The following DNAJC1 variants were observed in gnomAD, a reference collection of about 807,000 sequenced individuals.
DNAJC1 encodes the protein dnaJ homolog subfamily C member 1.
DNAJC1 carries 58 observed loss-of-function variants against 76.6 expected under a neutral mutation model. The ratio of observed to expected loss-of-function variants is 0.76; its 90% confidence interval spans 0.61 to 0.94. The LOEUF (loss-of-function observed/expected upper bound fraction) is 0.94, where lower values mean the gene tolerates loss of function less well. Among genes scored for constraint, DNAJC1 ranks in the 40% least tolerant of loss-of-function variants. DNAJC1 has a pLI of 0.00. For missense variants in DNAJC1, 689 were observed against 677.3 expected, an observed-to-expected ratio of 1.02 and a Z score of -0.19; for synonymous variants, 258 against 267.9, an observed-to-expected ratio of 0.96 and a Z score of 0.36.
At chr10:22,002,527 T>C (rs1838536960) in intron 1 of DNAJC1, among the ~76,000 whole-genome samples, 1 of 152,178 alleles carries the variant, frequency 6.6e-6, no homozygotes, top group Admixed American at 6.5e-5. Context: ...TCTCTTCCAA[T>C]CGCATCCCAA....
intron 8 of DNAJC1, among the ~76,000 whole-genome samples, chr10:21,833,693 A>G (rs1445605426): frequency 6.6e-6 from 1 of 152,170 alleles, no homozygotes; most frequent in African/African-American, 2.4e-5. Flanking sequence ...GCAGAACAGT[A>G]CCAGGCACAC....
intron 8 of DNAJC1, among the ~76,000 whole-genome samples, chr10:21,820,490 A>C (rs1470391090): frequency 6.6e-6 from 1 of 152,254 alleles, no homozygotes; most frequent in African/African-American, 2.4e-5. Context: ...ACACAAAAAC[A>C]ATAAATACAA....
rs548485247 is a variant in DNAJC1, at chr10:21,782,654, A to G, written c.1099-16345T>C. On this transcript the variant is annotated intron_variant, in intron 9 of 11. Transcript: ENST00000376980. ...GAACATCGATGCAAAAATCCTCAAC[A>G]AGATACTGGCAAACCGAATCCAGCA... is the stretch of plus-strand genomic sequence containing the variant. 5.3e-5 allele frequency among the ~76,000 whole-genome samples: 8 copies of G among 152,364 alleles called. No individual in the cohort carries two copies. The South Asian group carries it at 1.7e-3, about 32-fold the overall frequency.
chr10:21,868,076 C>CAAAAAAAAAAAACAAAAAAAAAA (rs1836036328), intron 8 of DNAJC1, among the ~76,000 whole-genome samples: 1 of 21,230 alleles, frequency 4.7e-5, no homozygotes, highest in Non-Finnish European at 9.5e-5. Context: ...ATTCTGTCTC[C>CAAAAAAAAAAAACAAAAAAAAAA]AAAAAAAAAA....
In DNAJC1 at chr10:21,826,231, T is replaced by G. The variant is rs112485880; in HGVS notation, c.979-20132A>C. On this transcript the variant is annotated intron_variant, in intron 8 of 11. Transcript: ENST00000376980. ...CCAGCCTGGGCAACAAGAATGAGAC[T>G]TTGTCCAAAAAAAAAAAAGAAGAAG... Among the ~76,000 whole-genome samples, 8 of 11,368 alleles carry G rather than the reference T, an allele frequency of 7.0e-4. No homozygotes were observed. The African/African-American group carries it at 0.017, about 23-fold the overall frequency. The allele number at this position is 11,368 out of a possible 152,430, so 7.5% of individuals were successfully genotyped here.
intron 7 of DNAJC1, among the ~76,000 whole-genome samples, chr10:21,903,664 T>C (rs1469653341): frequency 6.6e-6 from 1 of 152,078 alleles, no homozygotes; most frequent in South Asian, 2.1e-4. Flanking sequence ...ACAGTCTCTG[T>C]TCTAAAGCTG....
At chr10:21,862,427 ATTTTT>A (rs535547596) in intron 8 of DNAJC1, among the ~76,000 whole-genome samples, 1 of 131,882 alleles carries the variant, frequency 7.6e-6, no homozygotes. Flanking sequence ...CTGTTACTAC[ATTTTT>A]TTTTTTTTTT....
chr10:21,899,506 C>A (rs1836608744), intron 7 of DNAJC1, among the ~76,000 whole-genome samples: 1 of 152,244 alleles, frequency 6.6e-6, no homozygotes, highest in South Asian at 2.1e-4. Flanking sequence ...TTCCAACCTG[C>A]TGGCTTTGGA....
At chr10:21,987,008 T>G (rs760360679) in intron 1 of DNAJC1, among the ~76,000 whole-genome samples, 2 of 152,150 alleles carry the variant, frequency 1.3e-5, no homozygotes, top group Non-Finnish European at 2.9e-5. Flanking sequence ...CCTCAAGTGA[T>G]CCACCCTCCT....
chr10:21,786,702 T>C (rs530276633), intron 9 of DNAJC1, among the ~76,000 whole-genome samples: 2 of 148,192 alleles, frequency 1.3e-5, no homozygotes, highest in South Asian at 2.1e-4. Flanking sequence ...CTCGAACTCC[T>C]GATCTCAGGA....
intron 8 of DNAJC1, among the ~76,000 whole-genome samples, chr10:21,820,375 G>A (rs1835139256): frequency 1.3e-5 from 2 of 152,134 alleles, no homozygotes; most frequent in Non-Finnish European, 2.9e-5. Context: ...AAATAATGCT[G>A]CTATAAACAA....
At chr10:21,987,792 G>A (rs1174588622) in intron 1 of DNAJC1, among the ~76,000 whole-genome samples, 1 of 152,124 alleles carries the variant, frequency 6.6e-6, no homozygotes, top group Non-Finnish European at 1.5e-5. Context: ...ACGGATATAT[G>A]TTAGTAATAT....
intron 1 of DNAJC1, among the ~76,000 whole-genome samples, chr10:21,942,527 C>A (rs1300767925): frequency 6.6e-6 from 1 of 151,902 alleles, no homozygotes; most frequent in East Asian, 1.9e-4. Flanking sequence ...ATATAAGCGG[C>A]CGGGCGCGGT....
chr10:21,783,750 C>T (rs9665607), intron 9 of DNAJC1, among the ~76,000 whole-genome samples: 4,603 of 152,224 alleles, frequency 0.03, 104 homozygotes, highest in Middle Eastern at 0.065. Flanking sequence ...TAACACCACA[C>T]ATCTACAACC....
rs1009237341 is a variant in DNAJC1, at chr10:21,918,996, AT to A, written c.636-125del. On this transcript the variant is annotated intron_variant, in intron 5 of 11. Coordinates refer to ENST00000376980, the MANE Select transcript of DNAJC1 (RefSeq NM_022365.4). ...GTGAATGGCTACTTCAACAAAAAAA[AT>A]GAAGAAAGTATGCACTGAAATATTT... 2.4e-5 allele frequency: 16 copies of A among 654,324 alleles called. 1 individual carries two copies. In the Admixed American group the frequency reaches 3.2e-4, roughly 13 times the overall value. The allele number at this position is 654,324 out of a possible 1,614,324, so 40.5% of individuals were successfully genotyped here.
intron 1 of DNAJC1, among the ~76,000 whole-genome samples, chr10:21,950,025 G>T (rs2131806346): frequency 6.6e-6 from 1 of 151,256 alleles, no homozygotes; most frequent in South Asian, 2.1e-4. Context: ...GCAAAAATAT[G>T]TAGTCATCCA....
intron 7 of DNAJC1, among the ~76,000 whole-genome samples, chr10:21,899,988 G>A (rs1284960558): frequency 6.6e-6 from 1 of 152,110 alleles, no homozygotes; most frequent in Non-Finnish European, 1.5e-5. Context: ...ACATTACTGT[G>A]TAACATGGTA....
At position 21,813,233 on chromosome 10, in the gene DNAJC1, TATATATATATAC is replaced by T. The variant is rs1835014264; in HGVS notation, c.979-7146_979-7135del. Among the ~76,000 whole-genome samples the T allele has an allele frequency of 5.3e-5, 7 of 133,246 alleles. No individual in the cohort carries two copies. In the South Asian group the frequency reaches 1.7e-3, roughly 32 times the overall value. The allele number at this position is 133,246 out of a possible 152,430, so 87.4% of individuals were successfully genotyped here. ...CTCTCTCTCTCTCTATATATATATA[TATATATATATAC>T]ACATACAGCTTCTGCCTTGCTCTTT... On this transcript the variant is annotated intron_variant, in intron 8 of 11. Transcript: ENST00000376980.
chr10:21,989,330 C>A (rs1311135191), intron 1 of DNAJC1, among the ~76,000 whole-genome samples: 1 of 152,158 alleles, frequency 6.6e-6, no homozygotes, highest in Non-Finnish European at 1.5e-5. Flanking sequence ...CAAACATATA[C>A]CAATGTTAAA....
Sources: allele counts gnomAD v4.1 joint callset (sites outside exome capture counted in the v4.1 genomes callset), GRCh38; gene constraint gnomAD v4.1.1; transcripts MANE v1.5; gene names NCBI Gene and HGNC (gene_info 2026-07-23, HGNC 2026-07-21).